KNTC1: variants seen among roughly 807,000 people sequenced by gnomAD.
KNTC1 encodes kinetochore associated 1.
Under a neutral mutation model 314.4 loss-of-function variants are expected in KNTC1, and 253 were observed. The observed-to-expected ratio is 0.80, with a 90% CI of 0.73 to 0.89. The LOEUF (loss-of-function observed/expected upper bound fraction) is 0.89. KNTC1 is among the 40% of genes least tolerant of loss of function. KNTC1 has a pLI of 0.00. For synonymous variants in KNTC1, 901 were observed against 901.4 expected, an observed-to-expected ratio of 1.00 and a Z score of 0.01; for missense variants, 2,475 against 2,572.9, an observed-to-expected ratio of 0.96 and a Z score of 0.82.
At chr12:122,613,798 C>T (rs776393801) in intron 55 of KNTC1, 37 bp downstream of exon 55, 17 of 1,536,316 alleles carry the variant, frequency 1.1e-5, no homozygotes, top group Non-Finnish European at 1.2e-5. Flanking sequence ...CAATTCCCTG[C>T]CCCTACTCAG....
intron 39 of KNTC1, 33 bp downstream of exon 39, chr12:122,587,907 G>T (rs771983688): frequency 6.3e-7 from 1 of 1,584,332 alleles, no homozygotes; most frequent in Non-Finnish European, 8.6e-7. Context: ...TTTGACTTGG[G>T]GTGAATATAG....
intron 34 of KNTC1, among the ~76,000 whole-genome samples, chr12:122,583,238 G>T (rs567176073): frequency 1.3e-5 from 2 of 149,736 alleles, no homozygotes; most frequent in Non-Finnish European, 3.0e-5. Flanking sequence ...GGGTTGCAGT[G>T]AGCCGAGATC....
intron 45 of KNTC1, chr12:122,602,354 G>A (rs1289819351): frequency 2.6e-6 from 1 of 387,908 alleles, no homozygotes; most frequent in African/African-American, 2.1e-5. Context: ...CAGGGCACCA[G>A]TGGTTTCTCC....
At chr12:122,572,179 G>A (rs1964729848) in intron 24 of KNTC1, among the ~76,000 whole-genome samples, 1 of 152,062 alleles carries the variant, frequency 6.6e-6, no homozygotes, top group African/African-American at 2.4e-5. Flanking sequence ...ATCATTTGAG[G>A]TCAAGAGATT....
chr12:122,602,855 C>T lies in KNTC1; in HGVS notation c.4852C>T (p.Pro1618Ser), dbSNP rs1872122410. 1 of 1,612,218 alleles carries T rather than the reference C, an allele frequency of 6.2e-7. No homozygotes were observed. The highest frequency in any genetic ancestry group is 1.1e-5 in the South Asian group (1 of 90,978). The change falls in exon 47 of 64, where the codon CCA (proline) becomes TCA (serine). Residue 1618 changes from proline (P) to serine (S), a missense_variant. Coordinates refer to ENST00000333479, the MANE Select transcript of KNTC1 (RefSeq NM_014708.6). ...LSTELSEESF[P>S]TLLLISKLMK... is the part of the protein sequence containing the mutation. The stretch of plus-strand genomic sequence containing the variant: ...TACAGAACTCAGTGAAGAATCTTTC[C>T]CAACATTGCTCTTAATTTCGAAATT...
intron 16 of KNTC1, among the ~76,000 whole-genome samples, chr12:122,556,917 CTT>C (rs35101646): frequency 1.1e-5 from 1 of 88,288 alleles, no homozygotes; most frequent in Admixed American, 1.4e-4. Flanking sequence ...AATTTTCCCT[CTT>C]TTTTTTTTTT....
chr12:122,537,215 A>G (rs543758281), intron 3 of KNTC1, among the ~76,000 whole-genome samples: 15 of 152,246 alleles, frequency 9.9e-5, no homozygotes, highest in African/African-American at 3.1e-4. Flanking sequence ...TGTGTCCACC[A>G]TCTGAATGCT....
intron 44 of KNTC1, among the ~76,000 whole-genome samples, chr12:122,601,271 G>A (rs1418649639): frequency 6.6e-6 from 1 of 151,608 alleles, no homozygotes; most frequent in Non-Finnish European, 1.5e-5. Flanking sequence ...ATTTTTAGTA[G>A]AGACGGGGTT....
At position 122,534,695 on chromosome 12, in the gene KNTC1, G is replaced by A; in HGVS notation, c.161G>A (p.Ser54Asn). ...TTAAATCCAAAGATACAGGCATGCA[G>A]CTTAAGTGATGGGTTTATTATTGTA... The part of the protein sequence containing the change: ...ASLNPKIQAC[S>N]LSDGFIIVAD... The change falls in exon 3 of 64, where the codon AGC becomes AAC. Residue 54 changes from serine to asparagine, a missense_variant. Coordinates refer to ENST00000333479, the MANE Select transcript of KNTC1 (RefSeq NM_014708.6). The A allele has an allele frequency of 6.2e-7, 1 of 1,610,446 alleles. No homozygotes were observed. Among genetic ancestry groups the A allele is most frequent in the African/African-American group, 1.3e-5 (1 of 74,996 alleles).
intron 1 of KNTC1, among the ~76,000 whole-genome samples, chr12:122,529,004 G>A (rs1961079775): frequency 2.0e-5 from 3 of 152,020 alleles, no homozygotes; most frequent in Admixed American, 6.6e-5. Context: ...CACCACGCCC[G>A]GCTAATTTTT....
chr12:122,570,689 A>G (rs962689667), intron 22 of KNTC1, among the ~76,000 whole-genome samples, 187 bp from the exon 23 acceptor site: 6 of 152,260 alleles, frequency 3.9e-5, no homozygotes, highest in East Asian at 1.9e-4. Context: ...GCCTGTATCA[A>G]TGCATCTCAT....
At chr12:122,616,347 C>G (rs1473447180) in intron 57 of KNTC1, among the ~76,000 whole-genome samples, 20 of 151,676 alleles carry the variant, frequency 1.3e-4, no homozygotes. Context: ...ATTGCAAGCT[C>G]CGCCTGCTGG....
chr12:122,591,691 T>C (rs1318544918), intron 42 of KNTC1, among the ~76,000 whole-genome samples: 5 of 152,182 alleles, frequency 3.3e-5, no homozygotes, highest in Admixed American at 6.5e-5. Flanking sequence ...TGCTTAACTT[T>C]CTCATTTATA....
At chr12:122,586,550 G>A (rs1869336232) in intron 37 of KNTC1, 151 bp from the exon 38 acceptor site, 2 of 267,032 alleles carry the variant, frequency 7.5e-6, no homozygotes, top group African/African-American at 2.2e-5. Flanking sequence ...AGTATGTGCT[G>A]TGTGAGGGTT....
intron 55 of KNTC1, 64 bp downstream of exon 55, chr12:122,613,825 A>G (rs1873450183): frequency 2.7e-6 from 4 of 1,470,710 alleles, no homozygotes; most frequent in Non-Finnish European, 3.6e-6. Context: ...GAAAGAGAAA[A>G]CCAGGAACAG....
At position 122,618,496 on chromosome 12, in the gene KNTC1, A is replaced by G; in HGVS notation, c.6100A>G (p.Ser2034Gly). 1 of 1,611,556 alleles carries G rather than the reference A, an allele frequency of 6.2e-7. No individual in the cohort carries two copies. Among genetic ancestry groups the G allele is most frequent in the East Asian group, 2.2e-5 (1 of 44,830 alleles). Residue 2034 changes from serine to glycine, a missense_variant, in exon 59 of 64, where the codon AGT becomes GGT. Ser to Gly is a moderately conservative substitution (Grantham distance 56). Transcript: ENST00000333479. ...TTTGTTTTCAGCCTCTTGTCCTTTA[A>G]GTCCTGATCAGCTGTCAGATTGTTC... is the stretch of plus-strand genomic sequence containing the variant. ...IPLLSASCPL[S>G]PDQLSDCSES... is the part of the protein sequence containing the mutation.
chr12:122,540,193 A>G (rs1962188230), intron 5 of KNTC1, among the ~76,000 whole-genome samples: 1 of 145,176 alleles, frequency 6.9e-6, no homozygotes, highest in African/African-American at 2.6e-5. Flanking sequence ...TTTTTTTGAG[A>G]CGAAGTGTCC....
At chr12:122,558,248 T>G (rs1044121192) in intron 18 of KNTC1, among the ~76,000 whole-genome samples, 2 of 149,896 alleles carry the variant, frequency 1.3e-5, no homozygotes, top group Admixed American at 6.7e-5. Flanking sequence ...AGACTGTGTC[T>G]CAAAAAATAA....
intron 16 of KNTC1, among the ~76,000 whole-genome samples, chr12:122,556,449 C>T (rs75340360): frequency 0.05 from 7,574 of 151,480 alleles, 629 homozygotes; most frequent in African/African-American, 0.17. Context: ...CCCGCCCCTT[C>T]CCCTGGGCTC....
Sources: allele counts gnomAD v4.1 joint callset (sites outside exome capture counted in the v4.1 genomes callset), GRCh38; gene constraint gnomAD v4.1.1; transcripts MANE v1.5; gene names NCBI Gene and HGNC (gene_info 2026-07-23, HGNC 2026-07-21).